RBM6: variants seen among roughly 807,000 people sequenced by gnomAD.
The protein encoded by RBM6 is RNA-binding protein 6.
A neutral mutation model predicts 140.4 loss-of-function variants in RBM6; 23 were observed. The observed-to-expected ratio is 0.16, with a 90% confidence interval of 0.12 to 0.23. The LOEUF (loss-of-function observed/expected upper bound fraction) is 0.23, where lower values mean the gene tolerates loss of function less well. RBM6 is among the 10% of genes least tolerant of loss of function. The pLI is 1.00. For missense variants in RBM6, 1,139 were observed against 1,386.7 expected (o/e 0.82, Z 2.84); for synonymous variants, 439 against 475.6 (o/e 0.92, Z 1.00).
rs183433515 is a variant in RBM6 at position 50,010,785 on chromosome 3, C to T, written c.1557+11272C>T. 1.7e-3 allele frequency among the ~76,000 whole-genome samples: 259 copies of T among 150,418 alleles called. 2 individuals are homozygous for T. The highest frequency in any genetic ancestry group is 6.1e-3 in the African/African-American group (249 of 40,900). On this transcript the variant is annotated intron_variant, in intron 6 of 20. Transcript: ENST00000266022. ...CAGCATGGTGGTGTGTTCCTGTAGT[C>T]CCAGCTACTCGGGAGGCTGAGGCAG...
rs768080175 is a variant in RBM6 at position 49,999,435 on chromosome 3, C to T, written c.1484-5C>T. The T allele has an allele frequency of 1.9e-6, 3 of 1,612,268 alleles. No homozygotes were observed. Among genetic ancestry groups the T allele is most frequent in the African/African-American group, 2.7e-5 (2 of 74,800 alleles). ...CTCCCGTCTGTATTTAAATGCTGTC[C>T]CCAGGTTACGACTATGGCTATGTCT... On this transcript the variant is annotated splice_polypyrimidine_tract_variant and splice_region_variant and intron_variant, in intron 5 of 20. Transcript: ENST00000266022.
chr3:49,975,512 G>A (rs369348276), intron 5 of RBM6, 120 bp downstream of exon 5: 25 of 809,638 alleles, frequency 3.1e-5, no homozygotes, highest in East Asian at 9.9e-5. Context: ...GAAGCCTCCC[G>A]TTGGTGCCTC....
At chr3:50,062,879 T>C (rs1306915227) in intron 15 of RBM6, among the ~76,000 whole-genome samples, 2 of 147,566 alleles carry the variant, frequency 1.4e-5, no homozygotes, top group African/African-American at 4.9e-5. Context: ...CTCTTTCTAA[T>C]CTTTTCTTTT....
At position 50,069,250 on chromosome 3, in the gene RBM6, C is replaced by T. The variant is rs551767064; in HGVS notation, c.3018+486C>T. On this transcript the variant is annotated intron_variant, in intron 18 of 20. Transcript: ENST00000266022. Reference sequence around the variant, plus strand: ...CCTATGGGTCAGGCACGGTGGCTCACGCCTATAATCCCAGTACTTTGGGAG... The same window carrying T: ...CCTATGGGTCAGGCACGGTGGCTCATGCCTATAATCCCAGTACTTTGGGAG... Among the ~76,000 whole-genome samples the T allele has an allele frequency of 3.9e-5, 6 of 152,184 alleles. No homozygotes were observed. In the East Asian group the frequency reaches 1.2e-3, roughly 29 times the overall value.
At chr3:50,039,943 G>C (rs1296937062) in intron 6 of RBM6, among the ~76,000 whole-genome samples, 1 of 152,140 alleles carries the variant, frequency 6.6e-6, no homozygotes, top group Non-Finnish European at 1.5e-5. Flanking sequence ...TAGGAGAGAC[G>C]TGTGGATCCC....
Position 50,050,143 on chromosome 3 carries a change from A to G in RBM6, c.1632+1824A>G, listed in dbSNP as rs533059121. Among the ~76,000 whole-genome samples the G allele has an allele frequency of 2.0e-5, 3 of 152,254 alleles. No individual in the cohort carries two copies. The East Asian group carries it at 5.8e-4, about 29-fold the overall frequency. On this transcript the variant is annotated intron_variant, in intron 7 of 20. Coordinates refer to ENST00000266022, the MANE Select transcript of RBM6 (RefSeq NM_005777.3). ...TGGCCTCCCGAAGTTCTGGGATTACAGGTGTGAGCTGCCATATCTAGCCTC... is the reference window on the plus strand; with the variant it reads ...TGGCCTCCCGAAGTTCTGGGATTACGGGTGTGAGCTGCCATATCTAGCCTC...
chr3:49,940,355 G>T (rs2083229639), intron 1 of RBM6, 130 bp downstream of exon 1: 1 of 152,424 alleles, frequency 6.6e-6, no homozygotes, highest in South Asian at 2.1e-4. Context: ...GGGCGGCTGC[G>T]GCCTCGCTCG....
chr3:50,008,312 TTAAAG>T (rs2086679147), intron 6 of RBM6, among the ~76,000 whole-genome samples: 1 of 152,234 alleles, frequency 6.6e-6, no homozygotes. Flanking sequence ...TTTCTATGGA[TTAAAG>T]TAGTTTAGTT....
intron 6 of RBM6, among the ~76,000 whole-genome samples, chr3:50,001,809 G>A (rs940938138): frequency 6.6e-6 from 1 of 152,172 alleles, no homozygotes; most frequent in Non-Finnish European, 1.5e-5. Flanking sequence ...ATGTGATTAA[G>A]TCGTTCGCCT....
rs770835836 is a variant in RBM6 at position 50,022,511 on chromosome 3, G to A, written c.1557+22998G>A. On this transcript the variant is annotated intron_variant, in intron 6 of 20. Coordinates refer to ENST00000266022, the MANE Select transcript of RBM6 (RefSeq NM_005777.3). ...ACGCCTGGCTAATTTTGTATTTTTA[G>A]TAGAGACAGGGTTTCTCCATGTTGG... 4.6e-5 allele frequency among the ~76,000 whole-genome samples: 7 copies of A among 152,010 alleles called. No individual in the cohort carries two copies. The East Asian group carries it at 9.7e-4, about 21-fold the overall frequency.
intron 5 of RBM6, among the ~76,000 whole-genome samples, chr3:49,979,224 C>T (rs556608735): frequency 2.0e-5 from 3 of 152,224 alleles, no homozygotes; most frequent in Admixed American, 6.5e-5. Context: ...AGAGAAGGCA[C>T]ACCCGTAGAG....
chr3:50,069,938 C>T (rs1204886598), intron 18 of RBM6, among the ~76,000 whole-genome samples: 3 of 152,240 alleles, frequency 2.0e-5, no homozygotes, highest in African/African-American at 4.8e-5. Flanking sequence ...GAAAAGACAG[C>T]GGAACCAAGC....
At chr3:49,971,267 GAA>G (rs796468371) in intron 3 of RBM6, among the ~76,000 whole-genome samples, 2 of 91,658 alleles carry the variant, frequency 2.2e-5, no homozygotes, top group Non-Finnish European at 2.3e-5. Flanking sequence ...AACTCCATCT[GAA>G]AAAAAAAAAA....
At chr3:49,991,406 T>C (rs2085818759) in intron 5 of RBM6, among the ~76,000 whole-genome samples, 1 of 152,140 alleles carries the variant, frequency 6.6e-6, no homozygotes. Context: ...TCATCAGAAG[T>C]TGGTGGGTGG....
intron 20 of RBM6, among the ~76,000 whole-genome samples, chr3:50,075,751 C>T (rs915009880): frequency 6.6e-6 from 1 of 152,020 alleles, no homozygotes; most frequent in Non-Finnish European, 1.5e-5. Context: ...GGACTTTGCC[C>T]CTCATATTTC....
intron 6 of RBM6, among the ~76,000 whole-genome samples, chr3:50,020,330 T>G (rs567083204): frequency 6.6e-6 from 1 of 152,326 alleles, no homozygotes; most frequent in East Asian, 1.9e-4. Context: ...TTGGTTTCAC[T>G]GATTTATCTC....
At chr3:49,980,655 G>T (rs920488421) in intron 5 of RBM6, among the ~76,000 whole-genome samples, 1 of 150,904 alleles carries the variant, frequency 6.6e-6, no homozygotes, top group Admixed American at 6.6e-5. Flanking sequence ...CCAGCTACTC[G>T]GGAGGCTAAG....
chr3:49,980,303 C>T (rs2085251280), intron 5 of RBM6, among the ~76,000 whole-genome samples: 1 of 151,934 alleles, frequency 6.6e-6, no homozygotes, highest in Admixed American at 6.6e-5. Context: ...CCATGCCCGG[C>T]TGAGAGTATC....
At chr3:50,003,878 T>C (rs1197170634) in intron 6 of RBM6, among the ~76,000 whole-genome samples, 1 of 152,204 alleles carries the variant, frequency 6.6e-6, no homozygotes, top group Non-Finnish European at 1.5e-5. Flanking sequence ...GGCAGAGCCT[T>C]TCGTTCCACC....
Sources: gnomAD v4.1 joint callset for allele counts (sites outside exome capture counted in the v4.1 genomes callset) on GRCh38, gnomAD v4.1.1 for gene constraint, MANE v1.5 for transcripts, NCBI Gene and HGNC (gene_info 2026-07-23, HGNC 2026-07-21) for gene names.